NUBP1: variants seen among roughly 807,000 people sequenced by gnomAD.
The protein encoded by NUBP1 is NUBP iron-sulfur cluster assembly factor 1, cytosolic.
Under a neutral mutation model 41.8 loss-of-function variants are expected in NUBP1, and 46 were observed. The ratio of observed to expected loss-of-function variants is 1.10; its 90% CI spans 0.87 to 1.41. The LOEUF (loss-of-function observed/expected upper bound fraction) is 1.41. Among genes scored for constraint, NUBP1 ranks in the 40% most tolerant of loss-of-function variants. The pLI, the probability that NUBP1 is intolerant of heterozygous loss-of-function variation, is 0.00. For missense variants in NUBP1, 494 were observed against 414.0 expected (o/e 1.19, Z -1.68); for synonymous variants, 189 against 154.6 (o/e 1.22, Z -1.65).
At chr16:10,762,301 G>A (rs973520321) in intron 9 of NUBP1, among the ~76,000 whole-genome samples, 3 of 152,212 alleles carry the variant, frequency 2.0e-5, no homozygotes, top group African/African-American at 7.2e-5. Context: ...CCAGCACCGG[G>A]ACAGACCGGA....
At chr16:10,751,861 C>A (rs1900335183) in intron 3 of NUBP1, among the ~76,000 whole-genome samples, 1 of 152,224 alleles carries the variant, frequency 6.6e-6, no homozygotes, top group African/African-American at 2.4e-5. Context: ...CCACAGCAGG[C>A]CCGTGGTGTA....
chr16:10,747,176 T>C lies in NUBP1; in HGVS notation c.158T>C (p.Val53Ala). ...IEEIKEKMKT[V>A]KHKILVLSGK... ...GAAATCAAAGAGAAAATGAAGACTG[T>C]AAAACACAAAATCTTGGTATTGTCT... The change falls in exon 3 of 11, where the codon GTA becomes GCA. Residue 53 changes from valine to alanine, a missense_variant. Physicochemically the swap from Val to Ala is moderately conservative, Grantham distance 64 (BLOSUM62 0). Coordinates refer to ENST00000283027, the MANE Select transcript of NUBP1 (RefSeq NM_002484.4). The C allele has an allele frequency of 1.2e-6, 2 of 1,614,186 alleles. No individual in the cohort carries two copies. The highest frequency in any genetic ancestry group is 2.2e-5 in the East Asian group (1 of 44,888).
chr16:10,752,014 C>T (rs1311811858), intron 3 of NUBP1, among the ~76,000 whole-genome samples: 2 of 152,216 alleles, frequency 1.3e-5, no homozygotes, highest in Admixed American at 1.3e-4. Flanking sequence ...GGCACATGGC[C>T]GCCTCAGCCT....
In NUBP1 at chr16:10,757,254, T is replaced by C. The variant is rs982119610; in HGVS notation, c.451+474T>C. 1.3e-5 allele frequency among the ~76,000 whole-genome samples: 2 copies of C among 152,168 alleles called. No individual in the cohort carries two copies. Among genetic ancestry groups the C allele is most frequent in the Non-Finnish European group, 2.9e-5 (2 of 68,032 alleles). Reference sequence around the variant, plus strand: ...TTGCAGTGAGCCAAGATCATGCCACTGCACTCCAGCCTGTGTGACAGAGCG... The same window carrying C: ...TTGCAGTGAGCCAAGATCATGCCACCGCACTCCAGCCTGTGTGACAGAGCG... On this transcript the variant is annotated intron_variant, in intron 6 of 10. Coordinates refer to ENST00000283027, the MANE Select transcript of NUBP1 (RefSeq NM_002484.4). The surrounding 1 kb of genome is among the most constrained non-coding windows in gnomAD (Gnocchi z 4.1).
intron 4 of NUBP1, among the ~76,000 whole-genome samples, chr16:10,755,222 G>A (rs1221584821): frequency 6.6e-6 from 1 of 152,166 alleles, no homozygotes; most frequent in Admixed American, 6.5e-5. Context: ...GTGTGCTGCT[G>A]GACACCTGCT....
chr16:10,758,067 T>C, intron 7 of NUBP1, 40 bp downstream of exon 7: 3 of 1,597,162 alleles, frequency 1.9e-6, no homozygotes, highest in Non-Finnish European at 2.6e-6. Context: ...CAAACTGTGC[T>C]CCACACTGTG....
At chr16:10,760,276 C>G (rs1245011265) in intron 7 of NUBP1, among the ~76,000 whole-genome samples, 3 of 152,240 alleles carry the variant, frequency 2.0e-5, no homozygotes, top group Non-Finnish European at 2.9e-5. Context: ...TGGCATGAAG[C>G]AGCCACAGAC....
At chr16:10,745,082 C>G (rs1287071241) in intron 2 of NUBP1, among the ~76,000 whole-genome samples, 2 of 150,930 alleles carry the variant, frequency 1.3e-5, no homozygotes, top group East Asian at 2.0e-4. Flanking sequence ...TGAAGGAGTT[C>G]AGAGAGAGAC....
intron 2 of NUBP1, among the ~76,000 whole-genome samples, chr16:10,745,706 G>A (rs1272440065): frequency 1.3e-5 from 2 of 151,850 alleles, no homozygotes; most frequent in Non-Finnish European, 2.9e-5. Context: ...TTACATTCTT[G>A]TGAGGTTTTA....
chr16:10,748,190 G>T (rs903541629), intron 3 of NUBP1, among the ~76,000 whole-genome samples: 1 of 152,038 alleles, frequency 6.6e-6, no homozygotes, highest in African/African-American at 2.4e-5. Context: ...AACTCAAGGC[G>T]TCCCCCTGCC....
rs1290881351 is a variant in NUBP1 at position 10,766,818 on chromosome 16, A to G, written c.821-1131A>G. On this transcript the variant is annotated intron_variant, in intron 9 of 10. Coordinates refer to ENST00000283027, the MANE Select transcript of NUBP1 (RefSeq NM_002484.4). This position sits in a 1 kb window ranked among gnomAD's most constrained non-coding sequence, Gnocchi z 4.8. ...CCTCTACTTGAGGTACGCCCTATAT[A>G]AACGAAAAGGATGAAGTAAAGTTAC... 1.0e-5 allele frequency: 4 copies of G among 397,686 alleles called. 1 individual carries two copies. The highest frequency in any genetic ancestry group is 1.3e-5 in the Non-Finnish European group (3 of 225,966). The allele number at this position is 397,686 out of a possible 1,614,324, so 24.6% of individuals were successfully genotyped here.
At chr16:10,763,402 C>G (rs750171730) in intron 9 of NUBP1, 3 of 152,276 alleles carry the variant, frequency 2.0e-5, no homozygotes, top group Admixed American at 6.5e-5. Context: ...CCCGGGAGAA[C>G]GCCAGAGACC....
Position 10,765,414 on chromosome 16 carries a change from G to A in NUBP1, c.821-2535G>A, listed in dbSNP as rs548580144. ...CCCAGCTACTCAGGAGGCTGAGTTA[G>A]CAGGATCACTTGAGCCCAGGGAGGT... On this transcript the variant is annotated intron_variant, in intron 9 of 10. Transcript: ENST00000283027. This position sits in a 1 kb window ranked among gnomAD's most constrained non-coding sequence, Gnocchi z 4.0. Among the ~76,000 whole-genome samples, 1 of 151,714 alleles carries A rather than the reference G, an allele frequency of 6.6e-6. No homozygotes were observed. Among genetic ancestry groups the A allele is most frequent in the East Asian group, 1.9e-4 (1 of 5,164 alleles).
chr16:10,753,298 T>A (rs1900407178), intron 4 of NUBP1, among the ~76,000 whole-genome samples: 1 of 152,158 alleles, frequency 6.6e-6, no homozygotes, highest in Admixed American at 6.5e-5. Context: ...CACGGAAATT[T>A]AGCTCTGACT....
chr16:10,761,235 C>T (rs1288284192), intron 7 of NUBP1, 129 bp from the exon 8 acceptor site: 1 of 766,778 alleles, frequency 1.3e-6, no homozygotes, highest in East Asian at 2.9e-5. Context: ...GAGCCAAACC[C>T]TATCAGGGCA....
chr16:10,763,336 C>T (rs1264666301), intron 9 of NUBP1, among the ~76,000 whole-genome samples: 1 of 151,902 alleles, frequency 6.6e-6, no homozygotes, highest in East Asian at 1.9e-4. Context: ...GGGATGGCTG[C>T]CTCGAGGAAG....
Position 10,757,797 on chromosome 16 carries a change from T to TA in NUBP1, c.452-76_452-75insA. ...GGGCAACATAGCAAGACCCCATCCT[T>TA]TAAAAAAAAAAGAGGGAGTTGAAAG... is the stretch of plus-strand genomic sequence containing the variant. On this transcript the variant is annotated intron_variant, in intron 6 of 10. Transcript: ENST00000283027. The surrounding 1 kb of genome is among the most constrained non-coding windows in gnomAD (Gnocchi z 4.1). The TA allele has an allele frequency of 1.3e-6, 2 of 1,558,264 alleles. No homozygotes were observed. The highest frequency in any genetic ancestry group is 1.7e-6 in the Non-Finnish European group (2 of 1,144,970).
chr16:10,755,531 G>C (rs1900508128), intron 4 of NUBP1, among the ~76,000 whole-genome samples, 190 bp from the exon 5 acceptor site: 1 of 152,226 alleles, frequency 6.6e-6, no homozygotes, highest in South Asian at 2.1e-4. Context: ...GGCACAAAGG[G>C]AGTTGAGTTG....
chr16:10,748,556 T>G (rs1900165517), intron 3 of NUBP1, among the ~76,000 whole-genome samples: 1 of 152,144 alleles, frequency 6.6e-6, no homozygotes, highest in Non-Finnish European at 1.5e-5. Context: ...TTGGGCAAGT[T>G]ACCAGGCTTA....
Sources: gnomAD v4.1 joint callset for allele counts (sites outside exome capture counted in the v4.1 genomes callset) on GRCh38, gnomAD v4.1.1 for gene constraint, Gnocchi (gnomAD v3.1) non-coding constraint, MANE v1.5 for transcripts, NCBI Gene and HGNC (gene_info 2026-07-23, HGNC 2026-07-21) for gene names.